Variants in GRK3 observed in about 807,000 individuals in gnomAD.
The protein encoded by GRK3 is G protein-coupled receptor kinase 3, also known as adrenergic, beta, receptor kinase 2.
GRK3 carries 54 observed loss-of-function variants against 95.7 expected under a neutral mutation model. The observed-to-expected ratio is 0.56, with a 90% CI of 0.45 to 0.71. The LOEUF (loss-of-function observed/expected upper bound fraction) is 0.71, where lower values mean the gene tolerates loss of function less well. GRK3 is among the 30% of genes least tolerant of loss of function. GRK3 has a pLI of 0.00. For missense variants in GRK3, 649 were observed against 851.2 expected (o/e 0.76, Z 2.96); for synonymous variants, 281 against 290.8 (o/e 0.97, Z 0.34).
chr22:25,683,113 A>T (rs540161650), intron 9 of GRK3, among the ~76,000 whole-genome samples: 30 of 152,362 alleles, frequency 2.0e-4, no homozygotes, highest in African/African-American at 6.5e-4. Context: ...TTTTTAAAGG[A>T]TTGTAAAGAA....
intron 3 of GRK3, among the ~76,000 whole-genome samples, chr22:25,656,231 A>C (rs1324926145): frequency 6.6e-6 from 1 of 152,254 alleles, no homozygotes; most frequent in Non-Finnish European, 1.5e-5. Context: ...TAGATTTAAA[A>C]ATAAATAATG....
rs367799115 is a variant in GRK3 at position 25,567,582 on chromosome 22, A to T, written c.113+2429A>T. Among the ~76,000 whole-genome samples the T allele has an allele frequency of 3.3e-4, 50 of 152,326 alleles. 1 individual carries two copies. The East Asian group carries it at 5.8e-3, about 18-fold the overall frequency. On this transcript the variant is annotated intron_variant, in intron 1 of 20. Transcript: ENST00000324198. ...AGGGATACGGGTCAAATGTTTTCTG[A>T]TAAGTTTCTATTTCAGCTTCATTAT...
intron 18 of GRK3, among the ~76,000 whole-genome samples, chr22:25,716,152 A>ATT (rs544233256): frequency 6.6e-6 from 1 of 150,406 alleles, no homozygotes; most frequent in South Asian, 2.1e-4. Flanking sequence ...ACGCCTGGCT[A>ATT]TTTTTTTTTG....
In GRK3 at chr22:25,662,015, A is replaced by G. The variant is rs543066257; in HGVS notation, c.366+338A>G. On this transcript the variant is annotated intron_variant, in intron 4 of 20. Transcript: ENST00000324198. ...TTTTAAAATGAGCTATACTTTAACAATTAAGCTAATCAGCTATTGATAAAT... is the reference window on the plus strand; with the variant it reads ...TTTTAAAATGAGCTATACTTTAACAGTTAAGCTAATCAGCTATTGATAAAT... 3.9e-5 allele frequency among the ~76,000 whole-genome samples: 6 copies of G among 152,366 alleles called. No homozygotes were observed. The East Asian group carries it at 1.2e-3, about 29-fold the overall frequency.
chr22:25,615,050 C>T (rs2084527704), intron 2 of GRK3, among the ~76,000 whole-genome samples: 1 of 152,092 alleles, frequency 6.6e-6, no homozygotes, highest in South Asian at 2.1e-4. Context: ...CCTGAGATTC[C>T]CAGAAGAGCC....
At chr22:25,642,592 G>A (rs1304565929) in intron 2 of GRK3, among the ~76,000 whole-genome samples, 2 of 152,132 alleles carry the variant, frequency 1.3e-5, no homozygotes, top group African/African-American at 4.8e-5. Flanking sequence ...CTCAATCTGT[G>A]ATTTTTCATG....
chr22:25,593,094 G>C (rs530743314), intron 1 of GRK3, among the ~76,000 whole-genome samples: 2 of 150,136 alleles, frequency 1.3e-5, no homozygotes, highest in South Asian at 4.2e-4. Context: ...CCTTGTCTTT[G>C]TTATTAATGA....
Position 25,704,102 on chromosome 22 carries a change from T to C in GRK3, c.1228-7T>C, listed in dbSNP as rs749731047. On this transcript the variant is annotated splice_region_variant and splice_polypyrimidine_tract_variant and intron_variant, in intron 14 of 20. Transcript: ENST00000324198. ...GATTTTTGAAATCTTACTCGTCTTTTCCCCAGAATGTGGAACTTCCAGACA... is the reference window on the plus strand; with the variant it reads ...GATTTTTGAAATCTTACTCGTCTTTCCCCCAGAATGTGGAACTTCCAGACA... 1 of 1,607,542 alleles carries C rather than the reference T, an allele frequency of 6.2e-7. No homozygotes were observed. Among genetic ancestry groups the C allele is most frequent in the Non-Finnish European group, 8.5e-7 (1 of 1,175,732 alleles).
intron 1 of GRK3, among the ~76,000 whole-genome samples, chr22:25,599,614 AAAAAG>A (rs1191624227): frequency 1.8e-4 from 28 of 151,668 alleles, no homozygotes; most frequent in Admixed American, 1.8e-3. Flanking sequence ...AAAGAAAAGA[AAAAAG>A]AAAATCACAT....
chr22:25,620,002 TTTTTTGTGTG>T (rs947584454), intron 2 of GRK3, among the ~76,000 whole-genome samples: 1 of 70,358 alleles, frequency 1.4e-5, no homozygotes, highest in African/African-American at 8.6e-5. Flanking sequence ...TTCCTTTGTC[TTTTTTGTGTG>T]TGTGTGTGTG....
chr22:25,600,508 G>A (rs2084402595), intron 1 of GRK3, among the ~76,000 whole-genome samples: 1 of 152,096 alleles, frequency 6.6e-6, no homozygotes, highest in Admixed American at 6.6e-5. Flanking sequence ...AAGAAACAAT[G>A]AGAAATAACA....
chr22:25,616,511 A>G (rs1245669319), intron 2 of GRK3, among the ~76,000 whole-genome samples: 1 of 152,156 alleles, frequency 6.6e-6, no homozygotes, highest in Non-Finnish European at 1.5e-5. Context: ...TGACCCAGTC[A>G]CCTTCCACCA....
At chr22:25,643,373 A>G (rs2084757173) in intron 2 of GRK3, among the ~76,000 whole-genome samples, 1 of 152,216 alleles carries the variant, frequency 6.6e-6, no homozygotes, top group African/African-American at 2.4e-5. Flanking sequence ...ACCATTTTCA[A>G]AGGCCACGTT....
intron 6 of GRK3, among the ~76,000 whole-genome samples, chr22:25,669,734 G>T (rs1484224351): frequency 6.6e-6 from 1 of 152,194 alleles, no homozygotes; most frequent in Non-Finnish European, 1.5e-5. Context: ...AGAGGAACTT[G>T]TTACAGCAAA....
intron 2 of GRK3, among the ~76,000 whole-genome samples, chr22:25,624,699 T>C (rs1236245889): frequency 6.6e-6 from 1 of 152,234 alleles, no homozygotes; most frequent in Non-Finnish European, 1.5e-5. Context: ...GGTGCCTCTT[T>C]AATGTTTCCC....
chr22:25,586,942 T>C (rs1480659084), intron 1 of GRK3, among the ~76,000 whole-genome samples: 1 of 149,240 alleles, frequency 6.7e-6, no homozygotes, highest in African/African-American at 2.5e-5. Context: ...CTGGAGTGCA[T>C]GGCACGATCT....
At chr22:25,662,737 A>G (rs1650976100) in intron 4 of GRK3, among the ~76,000 whole-genome samples, 1 of 152,134 alleles carries the variant, frequency 6.6e-6, no homozygotes, top group African/African-American at 2.4e-5. Flanking sequence ...AGAATGCCAG[A>G]TGTTCAATGG....
At position 25,711,093 on chromosome 22, in the gene GRK3, G is replaced by C. The variant is rs761438308; in HGVS notation, c.1421G>C (p.Arg474Pro). 6.2e-7 allele frequency: 1 copy of C among 1,613,468 alleles called. No homozygotes were observed. Among genetic ancestry groups the C allele is most frequent in the South Asian group, 1.1e-5 (1 of 90,964 alleles). The change falls in exon 17 of 21, where the codon CGG (arginine) becomes CCG (proline). Residue 474 changes from arginine to proline, a missense_variant. By Grantham distance (103) the Arg-to-Pro change is moderately radical (BLOSUM62 -2). Transcript: ENST00000324198. ...QKYPPPLIPP[R>P]GEVNAADAFD... Reference sequence around the variant, plus strand: ...TACCCACCACCCTTGATTCCTCCCCGGGGAGAAGTCAATGCTGCTGATGCC... The same window carrying C: ...TACCCACCACCCTTGATTCCTCCCCCGGGAGAAGTCAATGCTGCTGATGCC...
At chr22:25,647,937 C>T in intron 3 of GRK3, 1 of 506,260 alleles carries the variant, frequency 2.0e-6, no homozygotes, top group East Asian at 4.0e-5. Flanking sequence ...ATGGTGAAAC[C>T]CCATCTCTAC....
Sources: allele counts gnomAD v4.1 joint callset (sites outside exome capture counted in the v4.1 genomes callset), GRCh38; gene constraint gnomAD v4.1.1; transcripts MANE v1.5; gene names NCBI Gene and HGNC (gene_info 2026-07-23, HGNC 2026-07-21).